WWOX: variants seen among roughly 807,000 people sequenced by gnomAD.
The protein encoded by WWOX is WW domain containing oxidoreductase, also known as WW domain-containing oxidoreductase.
A neutral mutation model predicts 46.2 loss-of-function variants in WWOX; 69 were observed. The ratio of observed to expected loss-of-function variants is 1.49; its 90% CI spans 1.23 to 1.82. The LOEUF (loss-of-function observed/expected upper bound fraction) is 1.82. WWOX is among the 40% of genes most tolerant of loss of function. The pLI is 0.00. For synonymous variants in WWOX, 359 were observed against 202.6 expected (o/e 1.77, Z -6.56); for missense variants, 919 against 542.6 (o/e 1.69, Z -6.89).
chr16:78,756,485 C>G (rs73573718), intron 8 of WWOX, among the ~76,000 whole-genome samples: 17 of 152,044 alleles, frequency 1.1e-4, no homozygotes, highest in South Asian at 4.1e-4. Context: ...TTACCTTAGA[C>G]CATGAGGAGA....
intron 8 of WWOX, among the ~76,000 whole-genome samples, chr16:79,186,579 T>G (rs2051019949): frequency 6.6e-6 from 1 of 152,222 alleles, no homozygotes; most frequent in African/African-American, 2.4e-5. Flanking sequence ...TCCAATCTAA[T>G]TACATGTCTA....
Position 78,736,278 on chromosome 16 carries a change from G to A in WWOX, c.1056+303526G>A, listed in dbSNP as rs114529742. 5.2e-3 allele frequency among the ~76,000 whole-genome samples: 785 copies of A among 152,298 alleles called. 7 individuals carry two copies. Among genetic ancestry groups the A allele is most frequent in the African/African-American group, 0.018 (741 of 41,570 alleles). On this transcript the variant is annotated intron_variant, in intron 8 of 8. Transcript: ENST00000566780. The stretch of plus-strand genomic sequence containing the variant: ...GGCTGTGGTACCTTCGTGTCGGACA[G>A]TCATAGGCTATCCTCATGGGGACCT...
chr16:78,869,757 G>C (rs192338383), intron 8 of WWOX, among the ~76,000 whole-genome samples: 2 of 152,184 alleles, frequency 1.3e-5, no homozygotes, highest in African/African-American at 4.8e-5. Flanking sequence ...ACAACAATAA[G>C]TCTTGCTCGC....
At chr16:79,188,961 T>C (rs965842265) in intron 8 of WWOX, among the ~76,000 whole-genome samples, 4 of 152,190 alleles carry the variant, frequency 2.6e-5, no homozygotes, top group African/African-American at 9.7e-5. Context: ...TTATAGTCTT[T>C]ATTGCATGCA....
chr16:78,814,693 C>A (rs1033362558), intron 8 of WWOX, among the ~76,000 whole-genome samples: 2 of 152,186 alleles, frequency 1.3e-5, no homozygotes, highest in Non-Finnish European at 2.9e-5. Context: ...TCAAGGTTTT[C>A]CAATCAGGTA....
intron 8 of WWOX, among the ~76,000 whole-genome samples, chr16:78,845,885 G>C (rs1001123077): frequency 5.9e-5 from 9 of 152,172 alleles, no homozygotes; most frequent in Non-Finnish European, 1.2e-4. Context: ...ATGACCTTGT[G>C]CCTCATTTTC....
rs1425423305 is a variant in WWOX at position 78,321,314 on chromosome 16, GCGTATATATATA to G, written c.517-65536_517-65525del. On this transcript the variant is annotated intron_variant, in intron 5 of 8. Coordinates refer to ENST00000566780, the MANE Select transcript of WWOX (RefSeq NM_016373.4). ...TACGTATATATATACGTATATATAT[GCGTATATATATA>G]CGTATATATGCGTATATATATACGT... 1.2e-4 allele frequency among the ~76,000 whole-genome samples: 6 copies of G among 50,166 alleles called. 1 individual carries two copies. The highest frequency in any genetic ancestry group is 1.9e-4 in the African/African-American group (2 of 10,530). 32.9% of individuals were successfully genotyped at this position (50,166 alleles called of 152,430 possible).
At chr16:79,061,053 A>T (rs1382030952) in intron 8 of WWOX, among the ~76,000 whole-genome samples, 2 of 152,196 alleles carry the variant, frequency 1.3e-5, no homozygotes, top group African/African-American at 2.4e-5. Context: ...ACTCACATTC[A>T]TACCACACAG....
rs151299869 is a variant in WWOX, at chr16:78,251,635, G to A, written c.516+87346G>A. Reference sequence around the variant, plus strand: ...GTCTGAAATATATTTACTTACACCCGAGAAGATTCAAAAACATTACCGCTG... The same window carrying A: ...GTCTGAAATATATTTACTTACACCCAAGAAGATTCAAAAACATTACCGCTG... On this transcript the variant is annotated intron_variant, in intron 5 of 8. Transcript: ENST00000566780. Among the ~76,000 whole-genome samples the A allele has an allele frequency of 1.2e-4, 18 of 152,246 alleles. No individual in the cohort carries two copies. In the East Asian group the frequency reaches 3.1e-3, roughly 26 times the overall value.
intron 8 of WWOX, among the ~76,000 whole-genome samples, chr16:79,079,371 T>C (rs930927120): frequency 3.9e-5 from 6 of 152,154 alleles, no homozygotes; most frequent in Non-Finnish European, 7.4e-5. Context: ...ATGACAGAAG[T>C]GTCACCCATC....
At chr16:78,950,115 T>C (rs1243473697) in intron 8 of WWOX, among the ~76,000 whole-genome samples, 1 of 152,162 alleles carries the variant, frequency 6.6e-6, no homozygotes, top group Non-Finnish European at 1.5e-5. Flanking sequence ...CTGCACATGT[T>C]TTTGTTTTTG....
At chr16:79,004,184 A>T (rs1337502648) in intron 8 of WWOX, 2 of 152,148 alleles carry the variant, frequency 1.3e-5, no homozygotes, top group African/African-American at 4.8e-5. Context: ...GTTTTGTTTG[A>T]TCTAGTCCCT....
At chr16:78,507,689 G>T (rs879460440) in intron 8 of WWOX, among the ~76,000 whole-genome samples, 1 of 152,096 alleles carries the variant, frequency 6.6e-6, no homozygotes, top group South Asian at 2.1e-4. Context: ...CTTGGCATGC[G>T]TTCTTACCTG....
intron 8 of WWOX, among the ~76,000 whole-genome samples, chr16:78,616,486 G>T (rs2046027987): frequency 6.6e-6 from 1 of 151,470 alleles, no homozygotes; most frequent in South Asian, 2.1e-4. Flanking sequence ...TAATGGCCAG[G>T]AGTGGTGGCT....
In WWOX at chr16:78,369,579, G is replaced by A; in HGVS notation, c.517-17281G>A. Among the ~76,000 whole-genome samples, 2 of 151,996 alleles carry A rather than the reference G, an allele frequency of 1.3e-5. 1 individual carries two copies. The highest frequency in any genetic ancestry group is 2.9e-5 in the Non-Finnish European group (2 of 68,030). ...GCACCTGCCACAGTATTGAGGGGCT[G>A]GACTGATTTCTCATTAATGTCTGGG... On this transcript the variant is annotated intron_variant, in intron 5 of 8. Transcript: ENST00000566780.
chr16:78,266,788 T>TTC (rs60393431), intron 5 of WWOX, among the ~76,000 whole-genome samples: 3,083 of 115,600 alleles, frequency 0.027, 86 homozygotes, highest in Middle Eastern at 0.071. Context: ...TATTCTTCTA[T>TTC]TCTCTCTCTC....
At chr16:78,612,532 A>G (rs1483451488) in intron 8 of WWOX, among the ~76,000 whole-genome samples, 4 of 152,338 alleles carry the variant, frequency 2.6e-5, no homozygotes, top group Admixed American at 1.3e-4. Context: ...GCCATAGTGC[A>G]GTGTACAATC....
chr16:78,724,686 G>A (rs553679793), intron 8 of WWOX, among the ~76,000 whole-genome samples: 4 of 152,164 alleles, frequency 2.6e-5, no homozygotes, highest in East Asian at 1.9e-4. Context: ...AAATCAGCTC[G>A]TCACCCTTGA....
intron 5 of WWOX, among the ~76,000 whole-genome samples, chr16:78,234,802 C>CA (rs35018794): frequency 0.65 from 96,691 of 148,500 alleles, 31,459 homozygotes; most frequent in Admixed American, 0.73. Flanking sequence ...AAAAAAACAA[C>CA]AAAAAAAAAC....
Sources: gnomAD v4.1 joint callset for allele counts (sites outside exome capture counted in the v4.1 genomes callset) on GRCh38, gnomAD v4.1.1 for gene constraint, MANE v1.5 for transcripts, NCBI Gene and HGNC (gene_info 2026-07-23, HGNC 2026-07-21) for gene names.